The following PIPOX variants were observed in gnomAD, a reference collection of about 807,000 sequenced individuals.
PIPOX encodes pipecolic acid and sarcosine oxidase.
In PIPOX, 45 loss-of-function variants were observed where a neutral mutation model predicts 47.9. The ratio of observed to expected loss-of-function variants is 0.94; its 90% CI spans 0.74 to 1.20. The LOEUF is 1.20. Among genes scored for constraint, PIPOX ranks in the 50% most tolerant of loss-of-function variants. The pLI, the probability that PIPOX is intolerant of heterozygous loss-of-function variation, is 0.00. For synonymous variants in PIPOX, 165 were observed against 191.3 expected (o/e 0.86, Z 1.13); for missense variants, 458 against 498.4 (o/e 0.92, Z 0.77).
intron 2 of PIPOX, among the ~76,000 whole-genome samples, chr17:29,050,782 G>A (rs1307428021): frequency 6.6e-6 from 1 of 151,806 alleles, no homozygotes; most frequent in Non-Finnish European, 1.5e-5. Context: ...CTGTGAACGT[G>A]CCACTGCACC....
chr17:29,053,167 C>T, intron 3 of PIPOX, 34 bp downstream of exon 3: 1 of 1,578,252 alleles, frequency 6.3e-7, no homozygotes, highest in Non-Finnish European at 8.7e-7. Flanking sequence ...GATGCAGGTG[C>T]TCCCTGCTCT....
At position 29,043,161 on chromosome 17, in the gene PIPOX, G is replaced by A; in HGVS notation, c.-65G>A. ...ACTTTGCCTTCCTCCTCGTCCTTTA[G>A]CCGGGAGCCTGTCTTTGCTTGCCTT... On this transcript the variant is annotated 5_prime_UTR_variant, in exon 1 of 8. Transcript: ENST00000323372. 7.7e-7 allele frequency: 1 copy of A among 1,300,962 alleles called. No homozygotes were observed. The highest frequency in any genetic ancestry group is 1.1e-6 in the Non-Finnish European group (1 of 909,378). 80.6% of individuals were successfully genotyped at this position (1,300,962 alleles called of 1,614,324 possible). A position where few individuals can be genotyped will look rare whatever the true frequency, so the allele number is the denominator to read the frequency against.
chr17:29,045,710 A>C (rs749529959), intron 2 of PIPOX, among the ~76,000 whole-genome samples: 1 of 152,014 alleles, frequency 6.6e-6, no homozygotes, highest in Non-Finnish European at 1.5e-5. Flanking sequence ...TGCCTGGCCC[A>C]GGATTCTTTA....
intron 2 of PIPOX, 115 bp from the exon 3 acceptor site, chr17:29,052,805 T>C: frequency 1.2e-6 from 1 of 859,860 alleles, no homozygotes; most frequent in Non-Finnish European, 1.9e-6. Flanking sequence ...ATTAGTGGCC[T>C]CAAGTCATCC....
intron 2 of PIPOX, among the ~76,000 whole-genome samples, 197 bp downstream of exon 2, chr17:29,045,204 C>T (rs192384578): frequency 4.0e-4 from 61 of 152,268 alleles, no homozygotes; most frequent in Middle Eastern, 3.4e-3. Context: ...CCAGGCTCTG[C>T]GTTGCAGGAC....
chr17:29,046,529 C>T (rs1264917073), intron 2 of PIPOX: 1 of 913,636 alleles, frequency 1.1e-6, no homozygotes, highest in South Asian at 5.0e-5. Context: ...TTGTGAAATA[C>T]TTGGCCCAAT....
At chr17:29,055,746 T>C (rs1598240869) in intron 6 of PIPOX, 67 bp from the exon 7 acceptor site, 1 of 1,307,014 alleles carries the variant, frequency 7.7e-7, no homozygotes. Context: ...CCCTTCCAGT[T>C]AGAGCCTGCA....
At chr17:29,051,705 A>G (rs1209376021) in intron 2 of PIPOX, among the ~76,000 whole-genome samples, 2 of 152,000 alleles carry the variant, frequency 1.3e-5, no homozygotes, top group Non-Finnish European at 2.9e-5. Context: ...AGGGAGGTAC[A>G]GGGAGAAACA....
At chr17:29,050,867 T>A (rs1418055225) in intron 2 of PIPOX, among the ~76,000 whole-genome samples, 2 of 149,488 alleles carry the variant, frequency 1.3e-5, no homozygotes, top group African/African-American at 2.5e-5. Flanking sequence ...TTTGGCCAGG[T>A]GCAGTGGCCC....
At chr17:29,051,078 A>G (rs6505106) in intron 2 of PIPOX, among the ~76,000 whole-genome samples, 43,785 of 151,428 alleles carry the variant, frequency 0.29, 7,633 homozygotes, top group African/African-American at 0.51. Flanking sequence ...CTGAGATCGC[A>G]CCACTGCACT....
chr17:29,044,891 T>A lies in PIPOX; in HGVS notation c.147T>A (p.His49Gln). 1.9e-6 allele frequency: 3 copies of A among 1,613,926 alleles called. No individual in the cohort carries two copies. Among genetic ancestry groups the A allele is most frequent in the Non-Finnish European group, 2.5e-6 (3 of 1,179,932 alleles). Residue 49 changes from histidine (H) to glutamine (Q), a missense_variant, in exon 2 of 8, where the codon CAT (histidine) becomes CAA (glutamine). Physicochemically the swap from His to Gln is conservative, Grantham distance 24. Transcript: ENST00000323372. ...TACCACACTCCCGAGGAAGCTCCCATGGACAAAGCCGGATAATCCGAAAGG... is the reference window on the plus strand; with the variant it reads ...TACCACACTCCCGAGGAAGCTCCCAAGGACAAAGCCGGATAATCCGAAAGG... ...FFLPHSRGSS[H>Q]GQSRIIRKAY...
In PIPOX at chr17:29,052,953, G is replaced by A; in HGVS notation, c.297G>A (p.Glu99=). ...GATTACTGCTGCTGGGAATGAAAGA[G>A]AATCAAGAATTAAAGACAATCCAGG... ...QTGLLLLGMK[E]NQELKTIQAN... The change falls in exon 3 of 8, where the codon GAG becomes GAA. Residue 99 remains glutamate, a synonymous_variant. Transcript: ENST00000323372. The A allele has an allele frequency of 6.2e-7, 1 of 1,614,218 alleles. No individual in the cohort carries two copies. The highest frequency in any genetic ancestry group is 1.1e-5 in the South Asian group (1 of 91,086).
chr17:29,044,810 A>T, intron 1 of PIPOX, 49 bp from the exon 2 acceptor site: 1 of 1,560,376 alleles, frequency 6.4e-7, no homozygotes, highest in Non-Finnish European at 8.7e-7. Flanking sequence ...CAGGGGATGC[A>T]GTGTGAGGGG....
At chr17:29,055,367 G>T in intron 6 of PIPOX, 146 bp downstream of exon 6, 2 of 901,506 alleles carry the variant, frequency 2.2e-6, no homozygotes, top group South Asian at 3.1e-5. Context: ...CTGTGGGTAG[G>T]TTCACCTCTA....
chr17:29,056,507 C>G lies in PIPOX; in HGVS notation c.*202C>G. The G allele has an allele frequency of 1.6e-6, 1 of 613,440 alleles. No homozygotes were observed. Among genetic ancestry groups the G allele is most frequent in the East Asian group, 2.8e-5 (1 of 35,984 alleles). The allele number at this position is 613,440 out of a possible 1,614,324, so 38.0% of individuals were successfully genotyped here. Reference sequence around the variant, plus strand: ...CTGCCTCACTTGAATCCCCCGTAAACACCAGACGATTGAGTCTACCTTCTT... The same window carrying G: ...CTGCCTCACTTGAATCCCCCGTAAAGACCAGACGATTGAGTCTACCTTCTT... On this transcript the variant is annotated 3_prime_UTR_variant, in exon 8 of 8. Coordinates refer to ENST00000323372, the MANE Select transcript of PIPOX (RefSeq NM_016518.3).
chr17:29,046,301 G>A (rs2065785402), intron 2 of PIPOX, among the ~76,000 whole-genome samples: 3 of 152,120 alleles, frequency 2.0e-5, no homozygotes, highest in Admixed American at 6.6e-5. Context: ...GAATCGCCCT[G>A]GGCCTCAGAG....
intron 2 of PIPOX, among the ~76,000 whole-genome samples, chr17:29,045,314 G>A (rs2065781098): frequency 6.6e-6 from 1 of 151,854 alleles, no homozygotes; most frequent in African/African-American, 2.4e-5. Context: ...GGAGTCTGCT[G>A]GAGTGTGTAT....
At chr17:29,051,969 G>C in intron 2 of PIPOX, 1 of 471,098 alleles carries the variant, frequency 2.1e-6, no homozygotes. Flanking sequence ...ACCATCAGTT[G>C]TTCAACAGGC....
At chr17:29,052,554 C>T (rs577538247) in intron 2 of PIPOX, among the ~76,000 whole-genome samples, 4 of 152,304 alleles carry the variant, frequency 2.6e-5, no homozygotes, top group East Asian at 1.9e-4. Flanking sequence ...GCAAATGGCC[C>T]AGGGCTTTGC....
Sources: allele counts gnomAD v4.1 joint callset (sites outside exome capture counted in the v4.1 genomes callset), GRCh38; gene constraint gnomAD v4.1.1; transcripts MANE v1.5; gene names NCBI Gene and HGNC (gene_info 2026-07-23, HGNC 2026-07-21).